EFNA4: variants seen among roughly 807,000 people sequenced by gnomAD.
EFNA4 encodes the protein ephrin A4.
Under a neutral mutation model 23.7 loss-of-function variants are expected in EFNA4, and 22 were observed. The ratio of observed to expected loss-of-function variants is 0.93; its 90% CI spans 0.66 to 1.32. The LOEUF is 1.32. EFNA4 is among the 40% of genes most tolerant of loss of function. The pLI, the probability that EFNA4 is intolerant of heterozygous loss-of-function variation, is 0.00. For synonymous variants in EFNA4, 113 were observed against 108.3 expected, an observed-to-expected ratio of 1.04 and a Z score of -0.27; for missense variants, 252 against 252.3, an observed-to-expected ratio of 1.00 and a Z score of 0.01.
chr1:155,068,744 G>A, intron 3 of EFNA4, 109 bp from the exon 4 acceptor site: 1 of 1,221,094 alleles, frequency 8.2e-7, no homozygotes, highest in Non-Finnish European at 1.1e-6. Flanking sequence ...GGAGTGGCTG[G>A]TTTGGGAGAC....
At position 155,069,088 on chromosome 1, in the gene EFNA4, C is replaced by G. The variant is rs761244893; in HGVS notation, c.*99C>G. The G allele has an allele frequency of 6.2e-7, 1 of 1,610,984 alleles. No homozygotes were observed. The highest frequency in any genetic ancestry group is 2.2e-5 in the East Asian group (1 of 44,884). On this transcript the variant is annotated 3_prime_UTR_variant, in exon 4 of 4. Transcript: ENST00000368409. The stretch of plus-strand genomic sequence containing the variant: ...GCTGCCTGCACTGGGGGTGCCAATT[C>G]AGACCGACAAGATGGAGCATTGATG...
In EFNA4 at chr1:155,063,987, G is replaced by GCTTTGCGCGCGCCCGCCACCCGCT; in HGVS notation, c.113+61_113+84dup. On this transcript the variant is annotated intron_variant, in intron 1 of 3. Transcript: ENST00000368409. The surrounding 1 kb of genome is among the most constrained non-coding windows in gnomAD (Gnocchi z 4.1). Reference sequence around the variant, plus strand: ...CACAGCCAAGTCTGCGCGCTCCCGGGCTTTGCGCGCGCCCGCCACCCGCTC... The same window carrying GCTTTGCGCGCGCCCGCCACCCGCT: ...CACAGCCAAGTCTGCGCGCTCCCGGGCTTTGCGCGCGCCCGCCACCCGCTCTTTGCGCGCGCCCGCCACCCGCTC... 1 of 1,433,394 alleles carries GCTTTGCGCGCGCCCGCCACCCGCT rather than the reference G, an allele frequency of 7.0e-7. No homozygotes were observed. Among genetic ancestry groups the GCTTTGCGCGCGCCCGCCACCCGCT allele is most frequent in the Non-Finnish European group, 9.3e-7 (1 of 1,078,034 alleles). 88.8% of individuals were successfully genotyped at this position (1,433,394 alleles called of 1,614,324 possible).
In EFNA4 at chr1:155,069,005, C is replaced by T. The variant is rs1339957778; in HGVS notation, c.*16C>T. 7 of 1,613,484 alleles carry T rather than the reference C, an allele frequency of 4.3e-6. No individual in the cohort carries two copies. Among genetic ancestry groups the T allele is most frequent in the Non-Finnish European group, 5.9e-6 (7 of 1,179,728 alleles). On this transcript the variant is annotated 3_prime_UTR_variant, in exon 4 of 4. Coordinates refer to ENST00000368409, the MANE Select transcript of EFNA4 (RefSeq NM_005227.3). ...AATTCTGTGAGCCAAGCAGACCTTC[C>T]CTCTCATCCCAAGGAGCCAGAGTCC...
At position 155,064,640 on chromosome 1, in the gene EFNA4, T is replaced by C. The variant is rs1662953660; in HGVS notation, c.113+704T>C. Among the ~76,000 whole-genome samples, 4 of 152,232 alleles carry C rather than the reference T, an allele frequency of 2.6e-5. No homozygotes were observed. The South Asian group carries it at 8.3e-4, about 32-fold the overall frequency. On this transcript the variant is annotated intron_variant, in intron 1 of 3. Coordinates refer to ENST00000368409, the MANE Select transcript of EFNA4 (RefSeq NM_005227.3). The stretch of plus-strand genomic sequence containing the variant: ...ATTTCTTTCTCTCTCCTGAGCTGCC[T>C]GCCTTTGAACCTTAGTATATTTTAC...
At chr1:155,065,971 C>G (rs1389530129) in intron 1 of EFNA4, among the ~76,000 whole-genome samples, 6 of 149,950 alleles carry the variant, frequency 4.0e-5, no homozygotes, top group Non-Finnish European at 8.9e-5. Flanking sequence ...CTCCTGACCT[C>G]ATGATCCGCC....
At chr1:155,064,051 C>A in intron 1 of EFNA4, 115 bp downstream of exon 1, 2 of 811,800 alleles carry the variant, frequency 2.5e-6, no homozygotes, top group South Asian at 2.1e-5. Flanking sequence ...CGCGCCGGGG[C>A]TCCTTTGTTT....
In EFNA4 at chr1:155,069,059, C is replaced by T. The variant is rs1472051023; in HGVS notation, c.*70C>T. The T allele has an allele frequency of 6.2e-7, 1 of 1,611,648 alleles. No homozygotes were observed. The highest frequency in any genetic ancestry group is 8.5e-7 in the Non-Finnish European group (1 of 1,179,040). On this transcript the variant is annotated 3_prime_UTR_variant, in exon 4 of 4. Transcript: ENST00000368409. ...CAAGATCCCCTGGAGGAGGAGGGAT[C>T]CCTGCTGCCTGCACTGGGGGTGCCA...
chr1:155,068,709 G>A lies in EFNA4; in HGVS notation c.470-144G>A, dbSNP rs112839033. 2.3e-5 allele frequency: 21 copies of A among 902,004 alleles called. No individual in the cohort carries two copies. In the African/African-American group the frequency reaches 3.4e-4, roughly 15 times the overall value. 55.9% of individuals were successfully genotyped at this position (902,004 alleles called of 1,614,324 possible). On this transcript the variant is annotated intron_variant, in intron 3 of 3. Coordinates refer to ENST00000368409, the MANE Select transcript of EFNA4 (RefSeq NM_005227.3). ...AGGCTTGGAAGTTGGGGCTTAGAAA[G>A]GATGAGGTCATAGATCATGGGAAGG...
intron 1 of EFNA4, among the ~76,000 whole-genome samples, chr1:155,064,594 G>T (rs1403209432): frequency 1.3e-5 from 2 of 152,146 alleles, no homozygotes; most frequent in African/African-American, 2.4e-5. Context: ...AGAGGCTCAG[G>T]CTGTACAGAT....
chr1:155,065,891 C>G (rs1033691551), intron 1 of EFNA4, among the ~76,000 whole-genome samples: 2 of 152,046 alleles, frequency 1.3e-5, no homozygotes, highest in Non-Finnish European at 2.9e-5. Context: ...CGCCACCACG[C>G]CCGGCTAGTT....
In EFNA4 at chr1:155,069,510, C is replaced by T. The variant is rs1480659387; in HGVS notation, c.*521C>T. 1.5e-5 allele frequency: 4 copies of T among 260,396 alleles called. No individual in the cohort carries two copies. The highest frequency in any genetic ancestry group is 1.1e-4 in the Admixed American group (2 of 17,868). The allele number at this position is 260,396 out of a possible 1,614,324, so 16.1% of individuals were successfully genotyped here. On this transcript the variant is annotated 3_prime_UTR_variant, in exon 4 of 4. Transcript: ENST00000368409. ...GTTTGTATTTTTATAAGTATCTAGA[C>T]CAAACCTTCAATAAACCACTCATCT...
Position 155,069,027 on chromosome 1 carries a change from G to T in EFNA4, c.*38G>T. On this transcript the variant is annotated 3_prime_UTR_variant, in exon 4 of 4. Coordinates refer to ENST00000368409, the MANE Select transcript of EFNA4 (RefSeq NM_005227.3). ...TTCCCTCTCATCCCAAGGAGCCAGA[G>T]TCCTCCCAAGATCCCCTGGAGGAGG... 6.2e-7 allele frequency: 1 copy of T among 1,612,816 alleles called. No individual in the cohort carries two copies.
Position 155,066,871 on chromosome 1 carries a change from C to A in EFNA4, c.255C>A (p.Ser85=). The change falls in exon 2 of 4, where the codon TCC becomes TCA. Residue 85 remains serine (S), a synonymous_variant. Transcript: ENST00000368409. ...LYMVDWPGYE[S]CQAEGPRAYK... ...TGGTGGACTGGCCAGGCTATGAGTC[C>A]TGCCAGGCAGAGGGCCCCCGGGCCT... 2 of 1,614,102 alleles carry A rather than the reference C, an allele frequency of 1.2e-6. No homozygotes were observed.
Position 155,069,073 on chromosome 1 carries a change from C to CT in EFNA4, c.*85dup. The CT allele has an allele frequency of 6.2e-7, 1 of 1,611,558 alleles. No homozygotes were observed. The highest frequency in any genetic ancestry group is 8.5e-7 in the Non-Finnish European group (1 of 1,179,136). ...GGAGGAGGGATCCCTGCTGCCTGCACTGGGGGTGCCAATTCAGACCGACAA... is the reference window on the plus strand; with the variant it reads ...GGAGGAGGGATCCCTGCTGCCTGCACTTGGGGGTGCCAATTCAGACCGACAA... On this transcript the variant is annotated 3_prime_UTR_variant, in exon 4 of 4. Transcript: ENST00000368409.
rs1038524212 is a variant in EFNA4, at chr1:155,063,968, C to G, written c.113+32C>G. 2 of 1,503,458 alleles carry G rather than the reference C, an allele frequency of 1.3e-6. No homozygotes were observed. Among genetic ancestry groups the G allele is most frequent in the South Asian group, 2.5e-5 (2 of 80,346 alleles). The allele number at this position is 1,503,458 out of a possible 1,614,324, so 93.1% of individuals were successfully genotyped here. ...GGGCCGAACCGGGCGAGCGCACAGCCAAGTCTGCGCGCTCCCGGGCTTTGC... is the reference window on the plus strand; with the variant it reads ...GGGCCGAACCGGGCGAGCGCACAGCGAAGTCTGCGCGCTCCCGGGCTTTGC... On this transcript the variant is annotated intron_variant, in intron 1 of 3. Transcript: ENST00000368409. The surrounding 1 kb of genome is among the most constrained non-coding windows in gnomAD (Gnocchi z 4.1).
chr1:155,066,186 C>T (rs902868353), intron 1 of EFNA4, among the ~76,000 whole-genome samples: 1 of 152,136 alleles, frequency 6.6e-6, no homozygotes, highest in African/African-American at 2.4e-5. Flanking sequence ...TCTTTTTTTA[C>T]CGTGACATTC....
intron 1 of EFNA4, among the ~76,000 whole-genome samples, chr1:155,064,194 G>A (rs1265742331): frequency 3.3e-5 from 5 of 152,142 alleles, no homozygotes; most frequent in Non-Finnish European, 7.4e-5. Flanking sequence ...GCATGGAGCT[G>A]GGGGGGCCTT....
chr1:155,067,501 G>C, intron 3 of EFNA4, 61 bp downstream of exon 3: 2 of 1,582,192 alleles, frequency 1.3e-6, no homozygotes, highest in Non-Finnish European at 1.7e-6. Context: ...AGGAGGGAAG[G>C]AGTGAGAAGA....
chr1:155,066,844 C>T lies in EFNA4; in HGVS notation c.228C>T (p.Tyr76=). ...PPEGPETFAL[Y]MVDWPGYESC... is the part of the protein sequence containing the mutation. ...AGGGCCCCGAGACGTTTGCTTTGTA[C>T]ATGGTGGACTGGCCAGGCTATGAGT... The change falls in exon 2 of 4, where the codon TAC becomes TAT. Residue 76 remains tyrosine (Y), a synonymous_variant. Coordinates refer to ENST00000368409, the MANE Select transcript of EFNA4 (RefSeq NM_005227.3). The T allele has an allele frequency of 6.2e-7, 1 of 1,614,064 alleles. No individual in the cohort carries two copies. Among genetic ancestry groups the T allele is most frequent in the African/African-American group, 1.3e-5 (1 of 75,060 alleles).
Sources: gnomAD v4.1 joint callset for allele counts (sites outside exome capture counted in the v4.1 genomes callset) on GRCh38, gnomAD v4.1.1 for gene constraint, Gnocchi (gnomAD v3.1) non-coding constraint, MANE v1.5 for transcripts, NCBI Gene and HGNC (gene_info 2026-07-23, HGNC 2026-07-21) for gene names.